The following IQCJ variants were observed in gnomAD, a reference collection of about 807,000 sequenced individuals.
The protein encoded by IQCJ is IQ domain-containing protein J.
IQCJ carries 9 observed loss-of-function variants against 11.0 expected under a neutral mutation model. The ratio of observed to expected loss-of-function variants is 0.82; its 90% CI spans 0.49 to 1.43. The LOEUF (loss-of-function observed/expected upper bound fraction) is 1.43, where lower values mean the gene tolerates loss of function less well. IQCJ is among the 40% of genes most tolerant of loss of function. The probability of loss-of-function intolerance (pLI) is 0.00; values close to 1 mark genes in which losing one functional copy is unlikely to be tolerated. For missense variants in IQCJ, 146 were observed against 133.2 expected, an observed-to-expected ratio of 1.10 and a Z score of -0.47; for synonymous variants, 55 against 51.3, an observed-to-expected ratio of 1.07 and a Z score of -0.31.
chr3:159,093,147 C>G (rs978788711), intron 1 of IQCJ, among the ~76,000 whole-genome samples: 3 of 151,788 alleles, frequency 2.0e-5, no homozygotes, highest in Admixed American at 2.0e-4. Flanking sequence ...TAATCTGTGT[C>G]CTTCAGAATC....
At position 159,263,175 on chromosome 3, in the gene IQCJ, G is replaced by C. The variant is rs1728319257; in HGVS notation, c.*444G>C. 1.6e-6 allele frequency: 1 copy of C among 629,398 alleles called. No individual in the cohort carries two copies. The highest frequency in any genetic ancestry group is 2.0e-6 in the Non-Finnish European group (1 of 504,148). The allele number at this position is 629,398 out of a possible 1,614,324, so 39.0% of individuals were successfully genotyped here. Reference sequence around the variant, plus strand: ...CTGAGGTGGCTGAGCTGTGCCCCTGGCTACACGGAGAACATAGACCTCACC... The same window carrying C: ...CTGAGGTGGCTGAGCTGTGCCCCTGCCTACACGGAGAACATAGACCTCACC... On this transcript the variant is annotated 3_prime_UTR_variant, in exon 4 of 4. Transcript: ENST00000397832.
At chr3:159,166,269 T>A (rs141036004) in intron 1 of IQCJ, among the ~76,000 whole-genome samples, 1 of 152,366 alleles carries the variant, frequency 6.6e-6, no homozygotes, top group East Asian at 1.9e-4. Context: ...CATTTCTGTT[T>A]CCTGCTCTTT....
At position 159,255,035 on chromosome 3, in the gene IQCJ, A is replaced by T. The variant is rs1306127502; in HGVS notation, c.155+2228A>T. On this transcript the variant is annotated intron_variant, in intron 3 of 3. Coordinates refer to ENST00000397832, the MANE Select transcript of IQCJ (RefSeq NM_001042706.3). ...CATCTTCAACAGGGACAATCTTGGG[A>T]TATTCTCATTCCTGCTTTCCAAGAT... Among the ~76,000 whole-genome samples, 3 of 152,220 alleles carry T rather than the reference A, an allele frequency of 2.0e-5. 1 individual carries two copies.
downstream of IQCJ, among the ~76,000 whole-genome samples, chr3:159,264,829 C>T (rs565027808): frequency 6.9e-4 from 104 of 151,240 alleles, no homozygotes; most frequent in Non-Finnish European, 1.1e-3. Context: ...GGAGAATGAA[C>T]GGCTTGAAAC....
At chr3:159,186,508 C>T (rs773364943) in intron 1 of IQCJ, among the ~76,000 whole-genome samples, 3 of 152,058 alleles carry the variant, frequency 2.0e-5, no homozygotes, top group Admixed American at 6.6e-5. Flanking sequence ...TAATTTGAAC[C>T]CCTTATGCAT....
intron 1 of IQCJ, among the ~76,000 whole-genome samples, chr3:159,225,310 C>T (rs566332222): frequency 1.3e-5 from 2 of 152,170 alleles, no homozygotes; most frequent in Admixed American, 6.5e-5. Context: ...TGTATAAATT[C>T]ACTCGAATAT....
chr3:159,119,383 A>G (rs1472022795), intron 1 of IQCJ, among the ~76,000 whole-genome samples: 2 of 152,236 alleles, frequency 1.3e-5, no homozygotes, highest in East Asian at 1.9e-4. Context: ...CTCCCTGAAC[A>G]TGCGGCAGAC....
chr3:159,261,162 A>C (rs1244163464), intron 3 of IQCJ, among the ~76,000 whole-genome samples: 1 of 152,226 alleles, frequency 6.6e-6, no homozygotes, highest in Non-Finnish European at 1.5e-5. Context: ...ATTCAGAAAC[A>C]ACTTTAATGA....
At chr3:159,086,367 T>C (rs1222466229) in intron 1 of IQCJ, among the ~76,000 whole-genome samples, 2 of 152,150 alleles carry the variant, frequency 1.3e-5, no homozygotes, top group Non-Finnish European at 2.9e-5. Flanking sequence ...TCCAGCTTTG[T>C]TCTTTTGGCT....
At chr3:159,216,429 C>G (rs1725239371) in intron 1 of IQCJ, among the ~76,000 whole-genome samples, 1 of 152,152 alleles carries the variant, frequency 6.6e-6, no homozygotes, top group South Asian at 2.1e-4. Context: ...GCTGCTTCCC[C>G]TTAGGTCCTG....
chr3:159,236,425 T>C (rs1286289395), intron 1 of IQCJ, among the ~76,000 whole-genome samples: 1 of 152,232 alleles, frequency 6.6e-6, no homozygotes, highest in Non-Finnish European at 1.5e-5. Flanking sequence ...GAAGTGGCAG[T>C]AAATTGTAAA....
chr3:159,219,304 G>A (rs772793158), intron 1 of IQCJ, among the ~76,000 whole-genome samples: 19 of 151,402 alleles, frequency 1.3e-4, no homozygotes, highest in Non-Finnish European at 2.1e-4. Flanking sequence ...TTCAAACTTA[G>A]AATTTAAAAA....
At position 159,245,458 on chromosome 3, in the gene IQCJ, C is replaced by CTTTTT. The variant is rs34153369; in HGVS notation, c.10-368_10-364dup. On this transcript the variant is annotated intron_variant, in intron 1 of 3. Coordinates refer to ENST00000397832, the MANE Select transcript of IQCJ (RefSeq NM_001042706.3). ...CTTAACCATCACAAAGTCCTGAATT[C>CTTTTT]TTTTTTTTTTTTTTTTTTTTTGAGA... Among the ~76,000 whole-genome samples, 41 of 113,054 alleles carry CTTTTT rather than the reference C, an allele frequency of 3.6e-4. 1 individual carries two copies. The highest frequency in any genetic ancestry group is 5.0e-4 in the Non-Finnish European group (28 of 55,922). 74.2% of individuals were successfully genotyped at this position (113,054 alleles called of 152,430 possible).
At chr3:159,120,824 G>A (rs530405036) in intron 1 of IQCJ, among the ~76,000 whole-genome samples, 10 of 152,268 alleles carry the variant, frequency 6.6e-5, no homozygotes, top group South Asian at 2.1e-4. Context: ...TAGAACTGTC[G>A]GAGCTGCTAG....
At chr3:159,164,075 G>T (rs992018059) in intron 1 of IQCJ, among the ~76,000 whole-genome samples, 2 of 152,154 alleles carry the variant, frequency 1.3e-5, no homozygotes, top group Non-Finnish European at 2.9e-5. Context: ...AAGTATAATT[G>T]TGCTATATTT....
At chr3:159,132,974 C>G (rs1359105848) in intron 1 of IQCJ, among the ~76,000 whole-genome samples, 2 of 151,664 alleles carry the variant, frequency 1.3e-5, no homozygotes, top group Non-Finnish European at 2.9e-5. Context: ...TTTGAGCCAA[C>G]AAGCTCTGAG....
chr3:159,162,749 C>T (rs528402792), intron 1 of IQCJ, among the ~76,000 whole-genome samples: 96 of 152,198 alleles, frequency 6.3e-4, no homozygotes, highest in African/African-American at 2.0e-3. Flanking sequence ...ATATCACCAC[C>T]GATCCTACAG....
intron 1 of IQCJ, among the ~76,000 whole-genome samples, chr3:159,137,003 C>T (rs952405840): frequency 1.3e-5 from 2 of 152,120 alleles, no homozygotes; most frequent in African/African-American, 4.8e-5. Flanking sequence ...GTGACTCACG[C>T]CTGTAATCCC....
At chr3:159,104,972 C>G (rs6772999) in intron 1 of IQCJ, among the ~76,000 whole-genome samples, 115,805 of 152,118 alleles carry the variant, frequency 0.76, 44,143 homozygotes, top group East Asian at 0.83. Flanking sequence ...TTGAATGGTT[C>G]ACTTCTCAGT....
Sources: gnomAD v4.1 joint callset for allele counts (sites outside exome capture counted in the v4.1 genomes callset) on GRCh38, gnomAD v4.1.1 for gene constraint, MANE v1.5 for transcripts, NCBI Gene and HGNC (gene_info 2026-07-23, HGNC 2026-07-21) for gene names.